The following ASCC2 variants were observed in gnomAD, a reference collection of about 807,000 sequenced individuals.
ASCC2 encodes activating signal cointegrator 1 complex subunit 2.
A neutral mutation model predicts 93.5 loss-of-function variants in ASCC2; 42 were observed. The observed-to-expected ratio is 0.45, with a 90% confidence interval of 0.35 to 0.58. The LOEUF is 0.58. ASCC2 is among the 20% of genes least tolerant of loss of function. The probability of loss-of-function intolerance (pLI) is 0.00; values close to 1 mark genes in which losing one functional copy is unlikely to be tolerated. For synonymous variants in ASCC2, 364 were observed against 384.2 expected (o/e 0.95, Z 0.62); for missense variants, 859 against 977.6 (o/e 0.88, Z 1.62).
In ASCC2 at chr22:29,814,799, C is replaced by T. The variant is rs374809175; in HGVS notation, c.610-32G>A. Reference sequence around the variant, plus strand: ...AAGACAAGAACGGGCTCTCTCACATCATACTGAACCAGGGCTAGGACCCCT... The same window carrying T: ...AAGACAAGAACGGGCTCTCTCACATTATACTGAACCAGGGCTAGGACCCCT... On this transcript the variant is annotated intron_variant, in intron 6 of 19. Coordinates refer to ENST00000307790, the MANE Select transcript of ASCC2 (RefSeq NM_032204.5). 5.1e-6 allele frequency: 8 copies of T among 1,574,566 alleles called. No individual in the cohort carries two copies. The African/African-American group carries it at 9.5e-5, about 19-fold the overall frequency.
intron 1 of ASCC2, 48 bp from the exon 2 acceptor site, chr22:29,832,390 G>C: frequency 6.9e-7 from 1 of 1,447,404 alleles, no homozygotes; most frequent in East Asian, 2.3e-5. Context: ...ACAGACTCCT[G>C]GGGGCAGGGC....
At chr22:29,792,080 C>T (rs1399135208) in intron 18 of ASCC2, among the ~76,000 whole-genome samples, 3 of 152,212 alleles carry the variant, frequency 2.0e-5, no homozygotes, top group Admixed American at 2.0e-4. Context: ...CAGATGACCT[C>T]CCAGGGCCCT....
At chr22:29,801,155 T>C in intron 14 of ASCC2, 45 bp from the exon 15 acceptor site, 1 of 1,557,548 alleles carries the variant, frequency 6.4e-7, no homozygotes, top group Non-Finnish European at 8.8e-7. Context: ...CCCTGCCAGC[T>C]GATGCAATCT....
intron 1 of ASCC2, among the ~76,000 whole-genome samples, chr22:29,834,727 T>A (rs1278284905): frequency 2.6e-5 from 4 of 152,180 alleles, no homozygotes; most frequent in African/African-American, 9.7e-5. Context: ...TGTTCAGATG[T>A]CCAAAGAGGG....
intron 9 of ASCC2, 151 bp downstream of exon 9, chr22:29,807,960 G>T: frequency 1.4e-6 from 1 of 696,766 alleles, no homozygotes; most frequent in Non-Finnish European, 2.4e-6. Flanking sequence ...GTCAGGAAGT[G>T]GCTAGATAGG....
intron 15 of ASCC2, among the ~76,000 whole-genome samples, chr22:29,795,468 A>G (rs780390504): frequency 3.3e-5 from 5 of 152,192 alleles, no homozygotes; most frequent in Non-Finnish European, 5.9e-5. Flanking sequence ...AGAAGCAGTA[A>G]GGCCACATGT....
intron 5 of ASCC2, among the ~76,000 whole-genome samples, chr22:29,821,563 G>A (rs1467611351): frequency 6.6e-6 from 1 of 152,252 alleles, no homozygotes; most frequent in African/African-American, 2.4e-5. Flanking sequence ...CATAACATAT[G>A]TGGAGTGCTT....
intron 15 of ASCC2, chr22:29,799,412 G>C (rs2058814390): frequency 6.6e-6 from 1 of 152,592 alleles, no homozygotes; most frequent in East Asian, 1.9e-4. Context: ...CAGCCAGACG[G>C]CTTTGTAGTT....
intron 17 of ASCC2, 77 bp from the exon 18 acceptor site, chr22:29,792,612 T>C (rs531078014): frequency 1.6e-5 from 26 of 1,588,650 alleles, no homozygotes; most frequent in Admixed American, 3.4e-5. Context: ...GGGAACCTGG[T>C]TGGGTGAGAT....
At chr22:29,790,616 C>T (rs1021928495) in intron 18 of ASCC2, 68 bp from the exon 19 acceptor site, 6 of 1,511,118 alleles carry the variant, frequency 4.0e-6, no homozygotes, top group Non-Finnish European at 5.5e-6. Flanking sequence ...GGCGATGAGG[C>T]CCTGCTCAAG....
chr22:29,806,790 G>A lies in ASCC2; in HGVS notation c.1016+7C>T. 8 of 1,603,826 alleles carry A rather than the reference G, an allele frequency of 5.0e-6. No homozygotes were observed. Among genetic ancestry groups the A allele is most frequent in the Non-Finnish European group, 6.8e-6 (8 of 1,170,698 alleles). ...CTTCCACCAGGAGGCAATTCGTGAG[G>A]GCTTACCTGCTTTCTAGGATGGGAA... On this transcript the variant is annotated splice_region_variant and intron_variant, in intron 10 of 19. Coordinates refer to ENST00000307790, the MANE Select transcript of ASCC2 (RefSeq NM_032204.5).
intron 15 of ASCC2, among the ~76,000 whole-genome samples, chr22:29,797,009 G>A (rs1394825301): frequency 6.6e-6 from 1 of 152,174 alleles, no homozygotes; most frequent in Non-Finnish European, 1.5e-5. Context: ...GCTATGCCCT[G>A]GAAGAAGACA....
At chr22:29,824,931 C>T (rs1017489678) in intron 4 of ASCC2, among the ~76,000 whole-genome samples, 156 bp downstream of exon 4, 1 of 152,064 alleles carries the variant, frequency 6.6e-6, no homozygotes, top group Non-Finnish European at 1.5e-5. Context: ...GGATAAGGGA[C>T]GTGGCACAGA....
Position 29,825,121 on chromosome 22 carries a change from G to A in ASCC2, c.377C>T (p.Thr126Ile). The change falls in exon 4 of 20, where the codon ACC becomes ATC. Residue 126 changes from threonine (T) to isoleucine (I), a missense_variant. Coordinates refer to ENST00000307790, the MANE Select transcript of ASCC2 (RefSeq NM_032204.5). The surrounding 1 kb of genome is among the most constrained non-coding windows in gnomAD (Gnocchi z 4.9). The part of the protein sequence containing the change: ...QKRLHRSVFL[T>I]FLRMSTHKES... ...CTTGTGAGTGGACATGCGGAGGAAGGTGAGAAAAACACTTCGATGGAGGCG... is the reference window on the plus strand; with the variant it reads ...CTTGTGAGTGGACATGCGGAGGAAGATGAGAAAAACACTTCGATGGAGGCG... The A allele has an allele frequency of 1.3e-6, 2 of 1,525,992 alleles. No individual in the cohort carries two copies. Among genetic ancestry groups the A allele is most frequent in the Non-Finnish European group, 1.8e-6 (2 of 1,136,718 alleles). 94.5% of individuals were successfully genotyped at this position (1,525,992 alleles called of 1,614,324 possible). A position where few individuals can be genotyped will look rare whatever the true frequency, so the allele number is the denominator to read the frequency against.
At chr22:29,833,411 G>A (rs1190927153) in intron 1 of ASCC2, 8 of 347,728 alleles carry the variant, frequency 2.3e-5, no homozygotes, top group Non-Finnish European at 2.3e-5. Context: ...AGAATAGAAC[G>A]ACATGAGAAG....
Position 29,793,428 on chromosome 22 carries a change from A to C in ASCC2, c.1851T>G (p.Asp617Glu). 6.2e-7 allele frequency: 1 copy of C among 1,614,156 alleles called. No homozygotes were observed. The highest frequency in any genetic ancestry group is 8.5e-7 in the Non-Finnish European group (1 of 1,180,040). Residue 617 changes from aspartate to glutamate, a missense_variant, in exon 17 of 20, where the codon GAT (aspartate) becomes GAG (glutamate). Physicochemically the swap from Asp to Glu is conservative, Grantham distance 45. Transcript: ENST00000307790. Reference sequence around the variant, plus strand: ...CCACCTGGTTGCCATCGTATGTGTCATCGTACTCATCCTCGTAGTAGACAC... The same window carrying C: ...CCACCTGGTTGCCATCGTATGTGTCCTCGTACTCATCCTCGTAGTAGACAC... The part of the protein sequence containing the change: ...YHSVYYEDEY[D>E]DTYDGNQVGA...
chr22:29,794,227 C>A (rs1328129617), intron 15 of ASCC2, among the ~76,000 whole-genome samples: 1 of 150,670 alleles, frequency 6.6e-6, no homozygotes, highest in Admixed American at 6.6e-5. Context: ...GGCGCAGTGG[C>A]TCACTCCTGT....
chr22:29,793,270 C>G, intron 17 of ASCC2, 90 bp downstream of exon 17: 1 of 1,559,510 alleles, frequency 6.4e-7, no homozygotes, highest in South Asian at 1.1e-5. Flanking sequence ...GGCCCTGGAT[C>G]TGCCACATCT....
chr22:29,814,324 C>T (rs1035942997), intron 7 of ASCC2, among the ~76,000 whole-genome samples: 1 of 152,372 alleles, frequency 6.6e-6, no homozygotes, highest in South Asian at 2.1e-4. Context: ...ATGCTCAGGA[C>T]TCCTCAATAT....
Sources: allele counts gnomAD v4.1 joint callset (sites outside exome capture counted in the v4.1 genomes callset), GRCh38; gene constraint gnomAD v4.1.1; non-coding constraint Gnocchi (gnomAD v3.1); transcripts MANE v1.5; gene names NCBI Gene and HGNC (gene_info 2026-07-23, HGNC 2026-07-21).